EVA1A: variants seen among roughly 807,000 people sequenced by gnomAD.
EVA1A encodes the protein protein eva-1 homolog A.
A neutral mutation model predicts 9.8 loss-of-function variants in EVA1A; 7 were observed. The observed-to-expected ratio is 0.71, with a 90% CI of 0.41 to 1.34. The LOEUF (loss-of-function observed/expected upper bound fraction) is 1.34. EVA1A is among the 40% of genes most tolerant of loss of function. EVA1A has a pLI of 0.01. For missense variants in EVA1A, 206 were observed against 205.9 expected, an observed-to-expected ratio of 1.00 and a Z score of 0.00; for synonymous variants, 90 against 85.6, an observed-to-expected ratio of 1.05 and a Z score of -0.28.
At chr2:75,508,054 A>T (rs1002810116) in intron 3 of EVA1A, among the ~76,000 whole-genome samples, 1 of 152,154 alleles carries the variant, frequency 6.6e-6, no homozygotes, top group South Asian at 2.1e-4. Flanking sequence ...CACTTCCCCA[A>T]TCAATACCCT....
chr2:75,536,544 T>C lies in EVA1A; in HGVS notation c.-191-14057A>G, dbSNP rs183473650. 1.1e-4 allele frequency among the ~76,000 whole-genome samples: 17 copies of C among 152,080 alleles called. 1 individual carries two copies. The East Asian group carries it at 3.1e-3, about 28-fold the overall frequency. The stretch of plus-strand genomic sequence containing the variant: ...GGTCTTTGAAAAAAAATCTATAAAA[T>C]TGGCAAACCTATAGCAAGACTGACC... On this transcript the variant is annotated intron_variant, in intron 1 of 3. Coordinates refer to ENST00000393913, the MANE Select transcript of EVA1A (RefSeq NM_001135032.2).
chr2:75,497,074 T>G (rs1391839525), intron 3 of EVA1A, among the ~76,000 whole-genome samples: 1 of 152,140 alleles, frequency 6.6e-6, no homozygotes, highest in Non-Finnish European at 1.5e-5. Flanking sequence ...GACCTAAAAC[T>G]ATAAAATCCC....
At position 75,493,019 on chromosome 2, in the gene EVA1A, G is replaced by A; in HGVS notation, c.*217C>T. ...GGAGAGGATTTTTCAGCACCATTCC[G>A]AGACCTGGAAAGGGTGATGAACTGC... is the stretch of plus-strand genomic sequence containing the variant. On this transcript the variant is annotated 3_prime_UTR_variant, in exon 4 of 4. Coordinates refer to ENST00000393913, the MANE Select transcript of EVA1A (RefSeq NM_001135032.2). 3.2e-6 allele frequency: 2 copies of A among 627,470 alleles called. No individual in the cohort carries two copies. Among genetic ancestry groups the A allele is most frequent in the South Asian group, 4.6e-5 (2 of 43,524 alleles). The allele number at this position is 627,470 out of a possible 1,614,324, so 38.9% of individuals were successfully genotyped here.
intron 3 of EVA1A, among the ~76,000 whole-genome samples, chr2:75,502,707 T>C (rs551110901): frequency 1.3e-5 from 2 of 152,302 alleles, no homozygotes; most frequent in East Asian, 3.9e-4. Context: ...CACTGAATGC[T>C]TCTCTTTGCC....
At chr2:75,493,813 T>C (rs1674111329) in intron 3 of EVA1A, among the ~76,000 whole-genome samples, 1 of 152,252 alleles carries the variant, frequency 6.6e-6, no homozygotes, top group African/African-American at 2.4e-5. Context: ...TATGAAATTC[T>C]TTCACTCTTC....
intron 1 of EVA1A, among the ~76,000 whole-genome samples, chr2:75,527,733 T>C (rs1675501112): frequency 1.3e-5 from 2 of 151,902 alleles, no homozygotes; most frequent in Admixed American, 6.6e-5. Flanking sequence ...AGAGAAGATA[T>C]AAGGAAAAAA....
chr2:75,512,215 A>T (rs536875802), intron 3 of EVA1A, among the ~76,000 whole-genome samples: 1 of 152,332 alleles, frequency 6.6e-6, no homozygotes, highest in African/African-American at 2.4e-5. Context: ...GGAGTTATTA[A>T]TGAGGTCAGT....
In EVA1A at chr2:75,560,876, C is replaced by G. The variant is rs1019371610; in HGVS notation, c.-388G>C. ...AGGGCTGGCCTGGGGATGTGGGGTC[C>G]CGGCCTGGGTGCTCACGGACGGCGG... On this transcript the variant is annotated 5_prime_UTR_variant, in exon 1 of 4. Coordinates refer to ENST00000393913, the MANE Select transcript of EVA1A (RefSeq NM_001135032.2). 1 of 152,990 alleles carries G rather than the reference C, an allele frequency of 6.5e-6. No homozygotes were observed. The highest frequency in any genetic ancestry group is 1.5e-5 in the Non-Finnish European group (1 of 68,568). The allele number at this position is 152,990 out of a possible 1,614,324, so 9.5% of individuals were successfully genotyped here.
At chr2:75,518,415 T>C (rs2103847551) in intron 2 of EVA1A, among the ~76,000 whole-genome samples, 1 of 152,238 alleles carries the variant, frequency 6.6e-6, no homozygotes, top group African/African-American at 2.4e-5. Context: ...TATCCTTCAA[T>C]TGCTTGTGAA....
intron 1 of EVA1A, among the ~76,000 whole-genome samples, chr2:75,551,160 C>A (rs6732989): frequency 2.6e-5 from 4 of 152,066 alleles, no homozygotes; most frequent in African/African-American, 9.7e-5. Flanking sequence ...CCAAAAAAAA[C>A]GTGCTGGTCT....
chr2:75,535,768 G>A (rs1675861791), intron 1 of EVA1A, among the ~76,000 whole-genome samples: 3 of 152,094 alleles, frequency 2.0e-5, no homozygotes, highest in Non-Finnish European at 1.5e-5. Context: ...AATAGACATT[G>A]GAGACTCAGA....
intron 3 of EVA1A, among the ~76,000 whole-genome samples, chr2:75,498,798 C>G (rs895640112): frequency 8.7e-6 from 1 of 114,986 alleles, no homozygotes; most frequent in Non-Finnish European, 1.8e-5. Context: ...GCACCACACA[C>G]ACCTTTTTTT....
At chr2:75,507,406 C>A (rs1274315089) in intron 3 of EVA1A, among the ~76,000 whole-genome samples, 1 of 152,162 alleles carries the variant, frequency 6.6e-6, no homozygotes, top group African/African-American at 2.4e-5. Flanking sequence ...AGTATTCAGG[C>A]CCCAGGCAAG....
intron 3 of EVA1A, among the ~76,000 whole-genome samples, chr2:75,505,831 A>AT: frequency 6.6e-6 from 1 of 152,176 alleles, no homozygotes; most frequent in Admixed American, 6.5e-5. Flanking sequence ...AGGGTAGGGA[A>AT]TTTTTTTAAT....
At chr2:75,545,883 C>G (rs1226826790) in intron 1 of EVA1A, among the ~76,000 whole-genome samples, 1 of 151,948 alleles carries the variant, frequency 6.6e-6, no homozygotes, top group Admixed American at 6.5e-5. Flanking sequence ...AAGAGGTACC[C>G]CCAGAGGTCA....
intron 2 of EVA1A, among the ~76,000 whole-genome samples, chr2:75,519,349 T>C (rs554683075): frequency 2.6e-5 from 4 of 152,244 alleles, no homozygotes; most frequent in African/African-American, 9.6e-5. Context: ...ATGAGTAACA[T>C]GGGCCACAAT....
chr2:75,514,533 TTG>T (rs1354739654), intron 3 of EVA1A, among the ~76,000 whole-genome samples: 2 of 152,122 alleles, frequency 1.3e-5, no homozygotes, highest in Non-Finnish European at 2.9e-5. Context: ...TATCAATGAA[TTG>T]TTATTAAAAA....
chr2:75,498,224 C>T (rs1052994713), intron 3 of EVA1A, among the ~76,000 whole-genome samples: 1 of 150,474 alleles, frequency 6.6e-6, no homozygotes, highest in African/African-American at 2.5e-5. Context: ...CAAATTCACA[C>T]AGGAATAGAA....
intron 1 of EVA1A, among the ~76,000 whole-genome samples, chr2:75,531,781 G>A (rs1046441737): frequency 4.6e-5 from 7 of 152,118 alleles, no homozygotes; most frequent in Non-Finnish European, 1.0e-4. Context: ...AGGAGGGTAA[G>A]GGGTAAAAGA....
Sources: gnomAD v4.1 joint callset for allele counts (sites outside exome capture counted in the v4.1 genomes callset) on GRCh38, gnomAD v4.1.1 for gene constraint, MANE v1.5 for transcripts, NCBI Gene and HGNC (gene_info 2026-07-23, HGNC 2026-07-21) for gene names.